MAD1L1: variants seen among roughly 807,000 people sequenced by gnomAD.
MAD1L1 encodes mitotic arrest deficient 1 like 1, also known as mitotic spindle assembly checkpoint protein MAD1.
Under a neutral mutation model 96.9 loss-of-function variants are expected in MAD1L1, and 95 were observed. That is an observed-to-expected ratio of 0.98 (90% CI 0.83 to 1.16). The LOEUF (loss-of-function observed/expected upper bound fraction) is 1.16. Among genes scored for constraint, MAD1L1 ranks in the 50% most tolerant of loss-of-function variants. The pLI is 0.00. For synonymous variants in MAD1L1, 473 were observed against 396.6 expected (o/e 1.19, Z -2.29); for missense variants, 1,007 against 954.4 (o/e 1.06, Z -0.73).
intron 13 of MAD1L1, among the ~76,000 whole-genome samples, chr7:2,007,658 A>C (rs2128494826): frequency 6.6e-6 from 1 of 152,318 alleles, no homozygotes; most frequent in South Asian, 2.1e-4. Context: ...CGGGCGACTG[A>C]GCGAGACTCT....
intron 14 of MAD1L1, among the ~76,000 whole-genome samples, chr7:1,987,345 G>C (rs1781197912): frequency 6.6e-6 from 1 of 152,248 alleles, no homozygotes; most frequent in Non-Finnish European, 1.5e-5. Flanking sequence ...ACACGGGTGG[G>C]CAGATGGTGG....
At chr7:2,181,884 G>A (rs1036667491) in intron 10 of MAD1L1, among the ~76,000 whole-genome samples, 9 of 152,056 alleles carry the variant, frequency 5.9e-5, no homozygotes, top group African/African-American at 1.9e-4. Flanking sequence ...TTGCAGCAAC[G>A]TGGATGGAGT....
chr7:2,129,916 C>A (rs1295038977), intron 11 of MAD1L1, among the ~76,000 whole-genome samples: 2 of 152,202 alleles, frequency 1.3e-5, no homozygotes, highest in African/African-American at 2.4e-5. Context: ...CCATGGCACC[C>A]GCTGCCAGGA....
chr7:2,009,843 C>T (rs1377990005), intron 13 of MAD1L1, among the ~76,000 whole-genome samples: 6 of 152,148 alleles, frequency 3.9e-5, no homozygotes, highest in Non-Finnish European at 7.4e-5. Context: ...TGCTGGGCAG[C>T]GGTGCTCTAA....
intron 13 of MAD1L1, among the ~76,000 whole-genome samples, chr7:2,005,354 G>A (rs1781985844): frequency 6.6e-6 from 1 of 152,004 alleles, no homozygotes; most frequent in Non-Finnish European, 1.5e-5. Context: ...GCATTAGGGG[G>A]GTTACACACA....
intron 6 of MAD1L1, among the ~76,000 whole-genome samples, chr7:2,218,426 C>T (rs560828266): frequency 4.7e-4 from 71 of 152,358 alleles, no homozygotes; most frequent in African/African-American, 1.6e-3. Context: ...CTCTCTACTA[C>T]GGAACTAGAA....
At position 2,142,531 on chromosome 7, in the gene MAD1L1, G is replaced by C. The variant is rs1463199809; in HGVS notation, c.1073+6621C>G. 6.6e-6 allele frequency among the ~76,000 whole-genome samples: 1 copy of C among 152,248 alleles called. No homozygotes were observed. The highest frequency in any genetic ancestry group is 2.4e-5 in the African/African-American group (1 of 41,464). On this transcript the variant is annotated intron_variant, in intron 11 of 18. Transcript: ENST00000265854. This position sits in a 1 kb window ranked among gnomAD's most constrained non-coding sequence, Gnocchi z 4.7. ...TCTGCTGCCGGACGGAGCGCCCCTA[G>C]CTGCCACTGAGCCCACGGTGAAGGG...
intron 12 of MAD1L1, among the ~76,000 whole-genome samples, chr7:2,067,957 G>A (rs1381012498): frequency 1.3e-5 from 2 of 148,374 alleles, no homozygotes; most frequent in Non-Finnish European, 1.5e-5. Flanking sequence ...TGCACCTCAC[G>A]CATCTTGCTT....
chr7:2,135,445 G>A (rs1016474014), intron 11 of MAD1L1, among the ~76,000 whole-genome samples: 1 of 152,186 alleles, frequency 6.6e-6, no homozygotes, highest in African/African-American at 2.4e-5. Flanking sequence ...ATAATGAATT[G>A]TTTTTAATGA....
chr7:2,162,027 C>T (rs1790170335), intron 10 of MAD1L1, among the ~76,000 whole-genome samples: 1 of 151,594 alleles, frequency 6.6e-6, no homozygotes, highest in Non-Finnish European at 1.5e-5. Context: ...CCCATCCACC[C>T]GGCCGCCCCG....
chr7:2,193,745 C>A (rs1323408052), intron 10 of MAD1L1, among the ~76,000 whole-genome samples: 1 of 152,230 alleles, frequency 6.6e-6, no homozygotes, highest in South Asian at 2.1e-4. Flanking sequence ...AGAGCAGGTG[C>A]TGAGCCGCGA....
At chr7:1,896,017 C>T (rs886099610) in intron 18 of MAD1L1, among the ~76,000 whole-genome samples, 1 of 152,244 alleles carries the variant, frequency 6.6e-6, no homozygotes, top group African/African-American at 2.4e-5. Flanking sequence ...CAGACCCCTG[C>T]AGGAACCACG....
At chr7:1,852,541 G>A (rs879638402) in intron 18 of MAD1L1, among the ~76,000 whole-genome samples, 7 of 152,300 alleles carry the variant, frequency 4.6e-5, no homozygotes, top group South Asian at 2.1e-4. Context: ...CCCGACCGCC[G>A]CCATCTGAGA....
chr7:2,084,955 C>G (rs1193391639), intron 11 of MAD1L1, among the ~76,000 whole-genome samples: 1 of 152,158 alleles, frequency 6.6e-6, no homozygotes, highest in Non-Finnish European at 1.5e-5. Flanking sequence ...GAACATACAT[C>G]GTCACGTTTA....
chr7:2,128,246 C>G lies in MAD1L1; in HGVS notation c.1073+20906G>C, dbSNP rs115938405. On this transcript the variant is annotated intron_variant, in intron 11 of 18. Coordinates refer to ENST00000265854, the MANE Select transcript of MAD1L1 (RefSeq NM_001013836.2). ...ACTAATTATTCTGCATTTTCTGTCACTGAATCGCATTTGTCATCAGCAGCT... is the reference window on the plus strand; with the variant it reads ...ACTAATTATTCTGCATTTTCTGTCAGTGAATCGCATTTGTCATCAGCAGCT... Among the ~76,000 whole-genome samples the G allele has an allele frequency of 9.8e-3, 1,489 of 152,254 alleles. 27 individuals are homozygous for G. Among genetic ancestry groups the G allele is most frequent in the African/African-American group, 0.034 (1,405 of 41,530 alleles).
At position 2,088,310 on chromosome 7, in the gene MAD1L1, T is replaced by C. The variant is rs1270340313; in HGVS notation, c.1074-18972A>G. On this transcript the variant is annotated intron_variant, in intron 11 of 18. Transcript: ENST00000265854. This position sits in a 1 kb window ranked among gnomAD's most constrained non-coding sequence, Gnocchi z 4.4. Reference sequence around the variant, plus strand: ...CAGGCCCCCATCACAGGCTGCGCCATCTGGTTACCAGCACGGTGGTCTCGT... The same window carrying C: ...CAGGCCCCCATCACAGGCTGCGCCACCTGGTTACCAGCACGGTGGTCTCGT... Among the ~76,000 whole-genome samples the C allele has an allele frequency of 2.0e-5, 3 of 152,192 alleles. No individual in the cohort carries two copies. Among genetic ancestry groups the C allele is most frequent in the African/African-American group, 7.2e-5 (3 of 41,444 alleles).
chr7:1,941,318 G>A (rs181678351), intron 16 of MAD1L1, among the ~76,000 whole-genome samples: 12 of 152,282 alleles, frequency 7.9e-5, no homozygotes, highest in Admixed American at 1.3e-4. Flanking sequence ...GGTGCCCCAC[G>A]ACCGGCCCAT....
At chr7:1,939,570 G>C (rs1778842927) in intron 16 of MAD1L1, among the ~76,000 whole-genome samples, 4 of 151,528 alleles carry the variant, frequency 2.6e-5, no homozygotes, top group African/African-American at 9.7e-5. Flanking sequence ...GACCCAGCAA[G>C]CCAGGCCAGC....
intron 5 of MAD1L1, among the ~76,000 whole-genome samples, chr7:2,220,464 C>T (rs971867124): frequency 4.6e-5 from 7 of 152,228 alleles, no homozygotes; most frequent in African/African-American, 9.6e-5. Context: ...TGTGAAAAGC[C>T]GGACAGACCC....
Sources: gnomAD v4.1 joint callset for allele counts (sites outside exome capture counted in the v4.1 genomes callset) on GRCh38, gnomAD v4.1.1 for gene constraint, Gnocchi (gnomAD v3.1) non-coding constraint, MANE v1.5 for transcripts, NCBI Gene and HGNC (gene_info 2026-07-23, HGNC 2026-07-21) for gene names.